The following MAP1B variants were observed in gnomAD, a reference collection of about 807,000 sequenced individuals.
MAP1B encodes the protein microtubule-associated protein 1B.
A neutral mutation model predicts 176.1 loss-of-function variants in MAP1B; 12 were observed. That is an observed-to-expected ratio of 0.07 (90% CI 0.04 to 0.11). MAP1B has a LOEUF of 0.11. MAP1B is among the 10% of genes least tolerant of loss of function. The pLI is 1.00. For synonymous variants in MAP1B, 1,044 were observed against 1,135.0 expected (o/e 0.92, Z 1.61); for missense variants, 2,523 against 2,990.5 (o/e 0.84, Z 3.65).
At chr5:72,152,532 C>T (rs1401814220) in intron 2 of MAP1B, among the ~76,000 whole-genome samples, 1 of 152,172 alleles carries the variant, frequency 6.6e-6, no homozygotes, top group African/African-American at 2.4e-5. Flanking sequence ...CTGCAACCTC[C>T]ACCTCCTGGG....
At position 72,203,627 on chromosome 5, in the gene MAP1B, C is replaced by T; in HGVS notation, c.7077C>T (p.Asp2359=). The part of the protein sequence containing the change: ...AVPPGLPVYL[D]LCYIPNHSNS... ...CCCCAGGCCTCCCTGTGTATTTGGACCTGTGCTACATTCCTAACCACAGCA... is the reference window on the plus strand; with the variant it reads ...CCCCAGGCCTCCCTGTGTATTTGGATCTGTGCTACATTCCTAACCACAGCA... The change falls in exon 6 of 7, where the codon GAC becomes GAT. Residue 2359 remains aspartate (D), a synonymous_variant. Transcript: ENST00000296755. 1 of 1,614,150 alleles carries T rather than the reference C, an allele frequency of 6.2e-7. No individual in the cohort carries two copies. Among genetic ancestry groups the T allele is most frequent in the Non-Finnish European group, 8.5e-7 (1 of 1,180,042 alleles).
At chr5:72,191,538 G>C (rs1186354977) in intron 4 of MAP1B, among the ~76,000 whole-genome samples, 1 of 152,224 alleles carries the variant, frequency 6.6e-6, no homozygotes, top group Non-Finnish European at 1.5e-5. Flanking sequence ...GCTTCATTCT[G>C]TTGTGTAGTT....
At chr5:72,200,579 GC>G (rs1297988948) in intron 5 of MAP1B, among the ~76,000 whole-genome samples, 2 of 152,192 alleles carry the variant, frequency 1.3e-5, no homozygotes, top group African/African-American at 4.8e-5. Context: ...ATGGTTCAAA[GC>G]AGCTGTGATT....
intron 2 of MAP1B, among the ~76,000 whole-genome samples, chr5:72,140,792 A>T (rs1285479644): frequency 6.6e-6 from 1 of 152,234 alleles, no homozygotes; most frequent in Admixed American, 6.5e-5. Context: ...TTTAGGCAAC[A>T]TGAAAAAATA....
At chr5:72,143,715 G>A (rs541831533) in intron 2 of MAP1B, among the ~76,000 whole-genome samples, 48 of 152,236 alleles carry the variant, frequency 3.2e-4, no homozygotes, top group African/African-American at 7.2e-4. Context: ...CCAAGAGGCC[G>A]AAGGCTGGTT....
At position 72,195,362 on chromosome 5, in the gene MAP1B, C is replaced by G; in HGVS notation, c.2007C>G (p.Ile669Met). Residue 669 changes from isoleucine to methionine, a missense_variant, in exon 5 of 7, where the codon ATC becomes ATG. Around this residue, in one of 4 missense-constraint regions of MAP1B, gnomAD observed 1,925 missense variants for 2,126.0 expected, o/e 0.91. Transcript: ENST00000296755. ...CTAAAAAGGAGGACAAAACACCTAT[C>G]AAGAAGGAGGAAAAACCAAAAAAGG... ...EVAKKEDKTP[I>M]KKEEKPKKEE... is the part of the protein sequence containing the mutation. 1.3e-6 allele frequency: 2 copies of G among 1,577,932 alleles called. No homozygotes were observed. The highest frequency in any genetic ancestry group is 1.7e-6 in the Non-Finnish European group (2 of 1,166,878).
rs1747412594 is a variant in MAP1B, at chr5:72,204,879, T to G, written c.7252-205T>G. Among the ~76,000 whole-genome samples, 4 of 152,246 alleles carry G rather than the reference T, an allele frequency of 2.6e-5. No homozygotes were observed. Among genetic ancestry groups the G allele is most frequent in the Non-Finnish European group, 5.9e-5 (4 of 68,050 alleles). On this transcript the variant is annotated intron_variant, in intron 6 of 6. Transcript: ENST00000296755. This position sits in a 1 kb window ranked among gnomAD's most constrained non-coding sequence, Gnocchi z 4.4. ...TTTGGTTCCAGCCTTCAGTTTCCCT[T>G]AGAAACAATAGCTTTTCTTTGCAGC...
intron 2 of MAP1B, among the ~76,000 whole-genome samples, chr5:72,137,402 A>C (rs572094549): frequency 6.6e-6 from 1 of 152,312 alleles, no homozygotes; most frequent in East Asian, 1.9e-4. Flanking sequence ...GCCACAAATT[A>C]AATCATATTT....
rs886066105 is a variant in MAP1B at position 72,107,475 on chromosome 5, G to T, written c.-57G>T. The T allele has an allele frequency of 3.8e-5, 54 of 1,434,806 alleles. No individual in the cohort carries two copies. The African/African-American group carries it at 7.0e-4, about 19-fold the overall frequency. 88.9% of individuals were successfully genotyped at this position (1,434,806 alleles called of 1,614,324 possible). On this transcript the variant is annotated 5_prime_UTR_variant, in exon 1 of 7. Coordinates refer to ENST00000296755, the MANE Select transcript of MAP1B (RefSeq NM_005909.5). ...TTCGGAGATAATCCTTTCTCCTGCC[G>T]CAGTGGAGAGGAGCGGCCGGAGCGA...
intron 5 of MAP1B, among the ~76,000 whole-genome samples, chr5:72,201,855 C>T (rs1025987975): frequency 6.6e-6 from 1 of 152,116 alleles, no homozygotes; most frequent in Non-Finnish European, 1.5e-5. Context: ...AGAAAATAAT[C>T]GGAATTTTTT....
At chr5:72,180,251 C>T (rs954535713) in intron 2 of MAP1B, among the ~76,000 whole-genome samples, 1 of 152,186 alleles carries the variant, frequency 6.6e-6, no homozygotes, top group Non-Finnish European at 1.5e-5. Context: ...AGAATACAGA[C>T]GTGATGACAG....
chr5:72,129,302 TC>T (rs1745684212), intron 2 of MAP1B, among the ~76,000 whole-genome samples: 1 of 152,106 alleles, frequency 6.6e-6, no homozygotes, highest in South Asian at 2.1e-4. Flanking sequence ...ACGCCTGTAA[TC>T]CCAGCACTTT....
chr5:72,180,872 G>T (rs1746748970), intron 2 of MAP1B, among the ~76,000 whole-genome samples: 1 of 152,028 alleles, frequency 6.6e-6, no homozygotes, highest in Admixed American at 6.6e-5. Flanking sequence ...TTTGGCATTT[G>T]GTGTCTGTGC....
intron 2 of MAP1B, among the ~76,000 whole-genome samples, chr5:72,133,381 G>A (rs1316997458): frequency 6.6e-6 from 1 of 152,216 alleles, no homozygotes; most frequent in Non-Finnish European, 1.5e-5. Context: ...AGTGGAAAAG[G>A]AGGTATCTGA....
At chr5:72,138,640 T>C (rs1745881154) in intron 2 of MAP1B, among the ~76,000 whole-genome samples, 1 of 152,206 alleles carries the variant, frequency 6.6e-6, no homozygotes, top group African/African-American at 2.4e-5. Context: ...CAATAGGGCA[T>C]GTATAATCAG....
chr5:72,137,174 A>G (rs1745853853), intron 2 of MAP1B, among the ~76,000 whole-genome samples: 2 of 152,182 alleles, frequency 1.3e-5, no homozygotes, highest in South Asian at 4.1e-4. Flanking sequence ...TTCCATTTTT[A>G]TCTTCCTAGG....
chr5:72,142,387 G>A (rs1745962888), intron 2 of MAP1B, among the ~76,000 whole-genome samples: 1 of 152,196 alleles, frequency 6.6e-6, no homozygotes, highest in Admixed American at 6.5e-5. Flanking sequence ...AGGAGGAGGG[G>A]CAGGTAGTCT....
At chr5:72,184,992 G>A (rs916711409) in intron 3 of MAP1B, among the ~76,000 whole-genome samples, 1 of 152,136 alleles carries the variant, frequency 6.6e-6, no homozygotes, top group African/African-American at 2.4e-5. Flanking sequence ...CCCCGATGCC[G>A]ACAACTGCGA....
chr5:72,174,203 A>T (rs1194843155), intron 2 of MAP1B, among the ~76,000 whole-genome samples: 3 of 152,222 alleles, frequency 2.0e-5, no homozygotes, highest in Admixed American at 6.5e-5. Flanking sequence ...GCTGGACAAG[A>T]CAGCTAACTC....
Sources: allele counts gnomAD v4.1 joint callset (sites outside exome capture counted in the v4.1 genomes callset), GRCh38; gene constraint gnomAD v4.1.1; regional missense constraint gnomAD v4.1.1; non-coding constraint Gnocchi (gnomAD v3.1); transcripts MANE v1.5; gene names NCBI Gene and HGNC (gene_info 2026-07-23, HGNC 2026-07-21).